The following COL10A1 variants were observed in gnomAD, a reference collection of about 807,000 sequenced individuals.
COL10A1 encodes collagen type X alpha 1 chain.
COL10A1 carries 10 observed loss-of-function variants against 18.2 expected under a neutral mutation model. The observed-to-expected ratio is 0.55, with a 90% CI of 0.34 to 0.93. The LOEUF (loss-of-function observed/expected upper bound fraction) is 0.93. Among genes scored for constraint, COL10A1 ranks in the 40% least tolerant of loss-of-function variants. The pLI, the probability that COL10A1 is intolerant of heterozygous loss-of-function variation, is 0.02. For synonymous variants in COL10A1, 330 were observed against 316.6 expected, an observed-to-expected ratio of 1.04 and a Z score of -0.45; for missense variants, 897 against 853.5, an observed-to-expected ratio of 1.05 and a Z score of -0.64.
the COL10A1 span, among the ~76,000 whole-genome samples, chr6:116,198,598 G>C: frequency 6.6e-6 from 1 of 151,858 alleles, no homozygotes; most frequent in Admixed American, 6.6e-5. Context: ...AGATCTGGTG[G>C]TGTGCACCTG....
At chr6:116,154,541 T>C (rs1186152018) in intron 1 of COL10A1, among the ~76,000 whole-genome samples, 9 of 152,076 alleles carry the variant, frequency 5.9e-5, no homozygotes, top group African/African-American at 1.7e-4. Context: ...GAAAAAAAAA[T>C]ACACAAAACT....
At chr6:116,167,501 C>T in the COL10A1 span, among the ~76,000 whole-genome samples, 4 of 152,152 alleles carry the variant, frequency 2.6e-5, no homozygotes, top group South Asian at 6.2e-4. Flanking sequence ...TGTGAGCCAC[C>T]GTGCCCAGCC....
chr6:116,178,080 TGTGTGTGTGCGC>T, the COL10A1 span, among the ~76,000 whole-genome samples: 61 of 109,018 alleles, frequency 5.6e-4, no homozygotes, highest in Middle Eastern at 5.0e-3. Flanking sequence ...TGTGTGTGTG[TGTGTGTGTGCGC>T]GCGCGCGCGC....
chr6:116,124,381 T>C (rs989598096), intron 2 of COL10A1, among the ~76,000 whole-genome samples: 1 of 152,182 alleles, frequency 6.6e-6, no homozygotes, highest in South Asian at 2.1e-4. Flanking sequence ...TGCTGTTAAA[T>C]AAAATTAGTG....
the COL10A1 span, among the ~76,000 whole-genome samples, chr6:116,205,441 TAGAA>T: frequency 3.1e-4 from 47 of 150,334 alleles, no homozygotes; most frequent in African/African-American, 1.1e-3. Flanking sequence ...CATTTAACCT[TAGAA>T]AGATAATTTC....
At chr6:116,164,837 G>T in the COL10A1 span, among the ~76,000 whole-genome samples, 4 of 151,892 alleles carry the variant, frequency 2.6e-5, no homozygotes, top group Non-Finnish European at 5.9e-5. Flanking sequence ...AAAGATACAC[G>T]CTTTGGGAGG....
chr6:116,120,486 G>A lies in COL10A1; in HGVS notation c.1630C>T (p.Gln544Ter). The change falls in exon 3 of 3, where the codon CAG becomes TAG. Residue 544 changes from glutamine (Q) to a stop codon, truncating the protein, a stop_gained. Transcript: ENST00000651968. LOFTEE classifies it high-confidence loss of function. ...LSGTPLVSAN[Q>*]GVTGMPVSAF... ...GACACAGGCATTCCTGTTACCCCCT[G>A]GTTGGCACTAACAAGAGGGGTCCCA... is the stretch of plus-strand genomic sequence containing the variant. 1 of 1,614,218 alleles carries A rather than the reference G, an allele frequency of 6.2e-7. No homozygotes were observed. Among genetic ancestry groups the A allele is most frequent in the Non-Finnish European group, 8.5e-7 (1 of 1,180,018 alleles).
chr6:116,156,131 G>A (rs1780187242), intron 1 of COL10A1, among the ~76,000 whole-genome samples: 1 of 152,042 alleles, frequency 6.6e-6, no homozygotes, highest in Non-Finnish European at 1.5e-5. Flanking sequence ...TTCTTTGAAA[G>A]CATATCTTCA....
At chr6:116,210,093 G>C in the COL10A1 span, among the ~76,000 whole-genome samples, 2 of 151,764 alleles carry the variant, frequency 1.3e-5, no homozygotes, top group Admixed American at 1.3e-4. Flanking sequence ...GATTTCTAAG[G>C]CTCCTTTTAA....
At chr6:116,211,026 T>G in the COL10A1 span, among the ~76,000 whole-genome samples, 1 of 152,052 alleles carries the variant, frequency 6.6e-6, no homozygotes, top group South Asian at 2.1e-4. Flanking sequence ...GAAGTGCTAC[T>G]GTAAAATTCC....
chr6:116,141,079 C>T (rs1779753508), intron 1 of COL10A1, among the ~76,000 whole-genome samples: 1 of 152,092 alleles, frequency 6.6e-6, no homozygotes, highest in Non-Finnish European at 1.5e-5. Flanking sequence ...TAAGGGTACA[C>T]CCACTTGGTG....
At chr6:116,150,318 C>T (rs1007736524) in intron 1 of COL10A1, among the ~76,000 whole-genome samples, 1 of 151,932 alleles carries the variant, frequency 6.6e-6, no homozygotes, top group African/African-American at 2.4e-5. Context: ...CAAAGTCTTG[C>T]TCTGTCACCC....
chr6:116,214,066 A>G, the COL10A1 span, among the ~76,000 whole-genome samples: 1 of 152,154 alleles, frequency 6.6e-6, no homozygotes, highest in African/African-American at 2.4e-5. Flanking sequence ...AGGTGAAGAA[A>G]TTAAGAATTA....
chr6:116,145,180 G>C (rs1282564762), intron 1 of COL10A1, among the ~76,000 whole-genome samples: 2 of 152,122 alleles, frequency 1.3e-5, no homozygotes, highest in East Asian at 3.8e-4. Flanking sequence ...GCAGTGAGAA[G>C]TTGGACAGTT....
intron 1 of COL10A1, among the ~76,000 whole-genome samples, chr6:116,146,004 A>G (rs1167384662): frequency 6.6e-6 from 1 of 152,222 alleles, no homozygotes; most frequent in East Asian, 1.9e-4. Flanking sequence ...TTACTTCTGG[A>G]AAGCACCACA....
chr6:116,163,906 G>C, the COL10A1 span, among the ~76,000 whole-genome samples: 4 of 152,134 alleles, frequency 2.6e-5, no homozygotes, highest in Non-Finnish European at 5.9e-5. Context: ...ATGTGGTTTT[G>C]AGAGTTCCTT....
At chr6:116,201,853 G>A in the COL10A1 span, among the ~76,000 whole-genome samples, 1 of 151,948 alleles carries the variant, frequency 6.6e-6, no homozygotes, top group Non-Finnish European at 1.5e-5. Flanking sequence ...TTTTTTAAAT[G>A]CTCTATTTCT....
chr6:116,207,063 G>A, the COL10A1 span, among the ~76,000 whole-genome samples: 2 of 151,824 alleles, frequency 1.3e-5, no homozygotes, highest in Admixed American at 1.3e-4. Context: ...CTTTTTCCTA[G>A]GTCAAAAGAA....
the COL10A1 span, among the ~76,000 whole-genome samples, chr6:116,189,390 G>T: frequency 6.6e-6 from 1 of 151,488 alleles, no homozygotes; most frequent in African/African-American, 2.4e-5. Context: ...TTTATTTTTT[G>T]TCTTCGTAGT....
Sources: allele counts gnomAD v4.1 joint callset (sites outside exome capture counted in the v4.1 genomes callset), GRCh38; gene constraint gnomAD v4.1.1; transcripts MANE v1.5; gene names NCBI Gene and HGNC (gene_info 2026-07-23, HGNC 2026-07-21).